ZFYVE9: variants seen among roughly 807,000 people sequenced by gnomAD.
The protein encoded by ZFYVE9 is zinc finger FYVE domain-containing protein 9.
Under a neutral mutation model 126.7 loss-of-function variants are expected in ZFYVE9, and 43 were observed. That is an observed-to-expected ratio of 0.34 (90% CI 0.27 to 0.44). ZFYVE9 has a LOEUF of 0.44. Ranked by LOEUF, ZFYVE9 falls within the 20% of genes least tolerant of loss-of-function variation. The probability of loss-of-function intolerance (pLI) is 1.00; values close to 1 mark genes in which losing one functional copy is unlikely to be tolerated. For missense variants in ZFYVE9, 1,476 were observed against 1,697.0 expected (o/e 0.87, Z 2.29); for synonymous variants, 521 against 597.4 (o/e 0.87, Z 1.87).
chr1:52,297,242 CT>C (rs767708782), intron 12 of ZFYVE9, among the ~76,000 whole-genome samples: 544 of 134,056 alleles, frequency 4.1e-3, no homozygotes, highest in African/African-American at 7.0e-3. Flanking sequence ...AAAAACATTT[CT>C]TTTTTTTTTT....
chr1:52,258,779 A>G (rs1413616670), intron 4 of ZFYVE9, among the ~76,000 whole-genome samples: 1 of 151,938 alleles, frequency 6.6e-6, no homozygotes, highest in Non-Finnish European at 1.5e-5. Context: ...CTTTCCTCTA[A>G]TCTCATTGGA....
chr1:52,320,205 G>A (rs1309346357), intron 13 of ZFYVE9, among the ~76,000 whole-genome samples: 1 of 151,586 alleles, frequency 6.6e-6, no homozygotes, highest in Non-Finnish European at 1.5e-5. Flanking sequence ...CGAGTACCTG[G>A]GATTACAGGC....
intron 1 of ZFYVE9, chr1:52,162,523 A>G: frequency 3.8e-6 from 1 of 262,158 alleles, no homozygotes; most frequent in East Asian, 9.3e-5. Flanking sequence ...TCTATTCCCT[A>G]AAAATGCACA....
At chr1:52,318,370 ATGTGTGTGTGTGTGTGTG>A (rs59683935) in intron 13 of ZFYVE9, among the ~76,000 whole-genome samples, 83 of 144,396 alleles carry the variant, frequency 5.7e-4, no homozygotes, top group African/African-American at 1.8e-3. Context: ...GCATGATTGT[ATGTGTGTGTGTGTGTGTG>A]TGTGTGTGTG....
At chr1:52,320,614 C>T (rs61508998) in intron 13 of ZFYVE9, among the ~76,000 whole-genome samples, 7,187 of 152,174 alleles carry the variant, frequency 0.047, 565 homozygotes, top group African/African-American at 0.16. Flanking sequence ...TTACCTCATA[C>T]CATGTACAAA....
At chr1:52,301,545 C>A (rs1331362642) in intron 12 of ZFYVE9, among the ~76,000 whole-genome samples, 1 of 152,020 alleles carries the variant, frequency 6.6e-6, no homozygotes, top group Non-Finnish European at 1.5e-5. Context: ...CTCAAGCTAT[C>A]CTTCCACCTC....
Position 52,346,633 on chromosome 1 carries a change from C to T in ZFYVE9, c.*412C>T. On this transcript the variant is annotated 3_prime_UTR_variant, in exon 19 of 19. Transcript: ENST00000287727. The stretch of plus-strand genomic sequence containing the variant: ...AGAGGGGAAATAAAATATAAAGCAT[C>T]AGTTCTTGCACTCTTTGTACAGAAT... 2.5e-6 allele frequency: 1 copy of T among 400,908 alleles called. No individual in the cohort carries two copies. 24.8% of individuals were successfully genotyped at this position (400,908 alleles called of 1,614,324 possible). A position where few individuals can be genotyped will look rare whatever the true frequency, so the allele number is the denominator to read the frequency against.
intron 4 of ZFYVE9, among the ~76,000 whole-genome samples, chr1:52,257,502 C>T (rs1404440001): frequency 6.6e-6 from 1 of 152,100 alleles, no homozygotes; most frequent in African/African-American, 2.4e-5. Context: ...TATAAATTAC[C>T]TTACTTTGTC....
At chr1:52,292,015 G>A (rs576031235) in intron 10 of ZFYVE9, among the ~76,000 whole-genome samples, 8 of 148,762 alleles carry the variant, frequency 5.4e-5, no homozygotes, top group African/African-American at 2.0e-4. Context: ...ACGGTGGCTC[G>A]CGCCTGTAAT....
Position 52,317,665 on chromosome 1 carries a change from T to C in ZFYVE9, c.3438+13740T>C, listed in dbSNP as rs185748050. Among the ~76,000 whole-genome samples the C allele has an allele frequency of 4.4e-3, 668 of 152,214 alleles. 8 individuals carry two copies. Among genetic ancestry groups the C allele is most frequent in the Non-Finnish European group, 4.1e-3 (280 of 68,008 alleles). The stretch of plus-strand genomic sequence containing the variant: ...TTAATGAAACCAAAAGCCAGTTCTT[T>C]GAGAAGAGCAATAAAATTGATAAAC... On this transcript the variant is annotated intron_variant, in intron 13 of 18. Transcript: ENST00000287727.
intron 13 of ZFYVE9, among the ~76,000 whole-genome samples, chr1:52,320,648 A>G (rs1646230543): frequency 1.3e-5 from 2 of 152,238 alleles, no homozygotes; most frequent in South Asian, 4.1e-4. Flanking sequence ...TGGTTCATAG[A>G]TTTATACAGA....
At chr1:52,244,726 G>C (rs1050220093) in intron 4 of ZFYVE9, among the ~76,000 whole-genome samples, 3 of 152,152 alleles carry the variant, frequency 2.0e-5, no homozygotes, top group African/African-American at 7.2e-5. Context: ...TTTATCCTTG[G>C]AGATATGATG....
Position 52,268,539 on chromosome 1 carries a change from C to G in ZFYVE9, c.2532C>G (p.Ala844=), listed in dbSNP as rs989434064. 6.2e-7 allele frequency: 1 copy of G among 1,614,128 alleles called. No homozygotes were observed. The highest frequency in any genetic ancestry group is 1.7e-5 in the Admixed American group (1 of 60,020). ...CCAATGGAGAAGTTGCTGATGCAGC[C>G]AAATTAACAATGAATGGAACTTCCT... is the stretch of plus-strand genomic sequence containing the variant. ...ILPNGEVADA[A]KLTMNGTSSA... Residue 844 remains alanine (A), a synonymous_variant, in exon 7 of 19, where the codon GCC becomes GCG. Coordinates refer to ENST00000287727, the MANE Select transcript of ZFYVE9 (RefSeq NM_004799.4).
At chr1:52,156,327 G>C (rs1409046116) in intron 1 of ZFYVE9, among the ~76,000 whole-genome samples, 1 of 152,150 alleles carries the variant, frequency 6.6e-6, no homozygotes, top group Non-Finnish European at 1.5e-5. Context: ...GCTTGTGGTA[G>C]ATCCAACTGG....
chr1:52,189,304 C>T (rs1443877822), intron 1 of ZFYVE9, among the ~76,000 whole-genome samples: 1 of 148,684 alleles, frequency 6.7e-6, no homozygotes, highest in Admixed American at 6.7e-5. Context: ...TGGCACGATC[C>T]AGGCTCACTG....
chr1:52,165,543 C>G (rs1033768300), intron 1 of ZFYVE9, among the ~76,000 whole-genome samples: 10 of 152,000 alleles, frequency 6.6e-5, no homozygotes, highest in African/African-American at 1.7e-4. Context: ...ATTAGATGGC[C>G]CGCAGAATCA....
At chr1:52,144,317 C>CA (rs200181481) in intron 1 of ZFYVE9, among the ~76,000 whole-genome samples, 84 of 143,740 alleles carry the variant, frequency 5.8e-4, no homozygotes, top group South Asian at 6.6e-4. Flanking sequence ...GACTCCATCT[C>CA]AAAAAAAAAA....
chr1:52,172,480 T>G (rs1485871636), intron 1 of ZFYVE9, among the ~76,000 whole-genome samples: 7 of 152,064 alleles, frequency 4.6e-5, no homozygotes, highest in South Asian at 2.1e-4. Context: ...ACTTGGTGAT[T>G]CGGGCTCTTT....
intron 17 of ZFYVE9, among the ~76,000 whole-genome samples, chr1:52,341,223 AAAAC>A (rs1456032885): frequency 9.2e-5 from 14 of 152,374 alleles, no homozygotes; most frequent in African/African-American, 2.6e-4. Context: ...TCCGTCTCCA[AAAAC>A]AAACAAACAA....
Sources: allele counts gnomAD v4.1 joint callset (sites outside exome capture counted in the v4.1 genomes callset), GRCh38; gene constraint gnomAD v4.1.1; transcripts MANE v1.5; gene names NCBI Gene and HGNC (gene_info 2026-07-23, HGNC 2026-07-21).